The following RPS6KA6 variants were observed in gnomAD, a reference collection of about 807,000 sequenced individuals.
RPS6KA6 encodes the protein ribosomal protein S6 kinase A6.
RPS6KA6 carries 27 observed loss-of-function variants against 65.4 expected under a neutral mutation model. The observed-to-expected ratio is 0.41, with a 90% CI of 0.30 to 0.57. The LOEUF (loss-of-function observed/expected upper bound fraction) is 0.57. RPS6KA6 is among the 20% of genes least tolerant of loss of function. The pLI is 0.24. For synonymous variants in RPS6KA6, 190 were observed against 184.2 expected (o/e 1.03, Z -0.26); for missense variants, 486 against 555.6 (o/e 0.87, Z 1.26).
intron 2 of RPS6KA6, among the ~76,000 whole-genome samples, chrX:84,157,991 C>G (rs2035444392): frequency 9.2e-6 from 1 of 108,903 alleles, no homozygotes; most frequent in South Asian, 4.0e-4. Context: ...TCACTTTTCC[C>G]AGGAGACAGC....
chrX:84,079,908 C>G (rs751991614), intron 20 of RPS6KA6, among the ~76,000 whole-genome samples: 8 of 112,328 alleles, frequency 7.1e-5, no homozygotes, highest in African/African-American at 2.6e-4. Flanking sequence ...CTTCAGCAGA[C>G]TTAAACGTTC....
At chrX:84,105,209 TAC>T (rs2034335115) in intron 16 of RPS6KA6, among the ~76,000 whole-genome samples, 2 of 110,663 alleles carry the variant, frequency 1.8e-5, no homozygotes, top group South Asian at 7.5e-4. Flanking sequence ...GTTTAAAGAT[TAC>T]AAATCAAAGT....
At chrX:84,147,382 C>T (rs2035217948) in intron 4 of RPS6KA6, among the ~76,000 whole-genome samples, 1 of 111,619 alleles carries the variant, frequency 9.0e-6, no homozygotes, top group Admixed American at 9.5e-5. Flanking sequence ...TCTCAGCTCA[C>T]TGCAACCTCC....
At chrX:84,071,599 A>G (rs755242997) in intron 20 of RPS6KA6, among the ~76,000 whole-genome samples, 11 of 111,660 alleles carry the variant, frequency 9.9e-5, no homozygotes, top group Non-Finnish European at 1.7e-4. Flanking sequence ...AATAAATAAT[A>G]AACATCAGAG....
intron 20 of RPS6KA6, among the ~76,000 whole-genome samples, chrX:84,072,684 A>G (rs762218528): frequency 2.7e-5 from 3 of 112,201 alleles, no homozygotes; most frequent in African/African-American, 9.7e-5. Context: ...TAGAATAAAC[A>G]AAGTGCAGTA....
At chrX:84,116,359 A>T (rs1337793470) in intron 11 of RPS6KA6, 72 bp from the exon 12 acceptor site, 7 of 508,750 alleles carry the variant, frequency 1.4e-5, no homozygotes, top group Non-Finnish European at 2.2e-5. Context: ...CCAGACTGCT[A>T]TCTGTAAACA....
Position 84,145,850 on chromosome X carries a change from T to C in RPS6KA6, c.422-293A>G, listed in dbSNP as rs186232586. On this transcript the variant is annotated intron_variant, in intron 5 of 21. Coordinates refer to ENST00000262752, the MANE Select transcript of RPS6KA6 (RefSeq NM_014496.5). ...TTGCCTAAACTTAGCCTATCAAACC[T>C]ACTGAAAATCTACAAATTCTATAAA... Among the ~76,000 whole-genome samples the C allele has an allele frequency of 2.7e-5, 3 of 111,160 alleles. No homozygotes were observed. In the East Asian group the frequency reaches 8.5e-4, roughly 31 times the overall value.
At chrX:84,166,536 T>C (rs1363090493) in intron 1 of RPS6KA6, among the ~76,000 whole-genome samples, 1 of 111,504 alleles carries the variant, frequency 9.0e-6, no homozygotes, top group Non-Finnish European at 1.9e-5. Context: ...ATAGATGTCA[T>C]CCAATATGAA....
At chrX:84,065,189 G>T in intron 20 of RPS6KA6, 78 bp from the exon 21 acceptor site, 1 of 661,324 alleles carries the variant, frequency 1.5e-6, no homozygotes, top group Non-Finnish European at 2.2e-6. Flanking sequence ...AAATGTGACA[G>T]CATCAATAGC....
At chrX:84,157,102 A>G (rs1371090971) in intron 2 of RPS6KA6, among the ~76,000 whole-genome samples, 2 of 112,093 alleles carry the variant, frequency 1.8e-5, no homozygotes, top group Non-Finnish European at 3.8e-5. Flanking sequence ...TCACTCTTCA[A>G]TTAACTGATT....
Position 84,059,114 on chromosome X carries a change from CTTTTTTTTTTTTTTTTTTTTTT to C in RPS6KA6, c.*5141_*5162del, listed in dbSNP as rs200378989. On this transcript the variant is annotated 3_prime_UTR_variant, in exon 22 of 22. Coordinates refer to ENST00000262752, the MANE Select transcript of RPS6KA6 (RefSeq NM_014496.5). ...AACTTTTTAAATGGCTGTTTCTTTT[CTTTTTTTTTTTTTTTTTTTTTT>C]TTTTTTTTTGTGAGACGGAGTTTCG... is the stretch of plus-strand genomic sequence containing the variant. 7.1e-5 allele frequency: 2 copies of C among 28,287 alleles called. No individual in the cohort carries two copies. The highest frequency in any genetic ancestry group is 1.1e-3 in the Admixed American group (2 of 1,790). The allele number at this position is 28,287 out of a possible 1,213,427, so 2.3% of individuals were successfully genotyped here.
At chrX:84,166,906 TTA>T (rs1219492440) in intron 1 of RPS6KA6, among the ~76,000 whole-genome samples, 1 of 111,283 alleles carries the variant, frequency 9.0e-6, no homozygotes, top group African/African-American at 3.3e-5. Context: ...AATGGGTGAA[TTA>T]TATGTTATGT....
chrX:84,147,803 T>G (rs976979235), intron 4 of RPS6KA6, among the ~76,000 whole-genome samples: 3 of 111,963 alleles, frequency 2.7e-5, no homozygotes, highest in Non-Finnish European at 3.8e-5. Context: ...TTAATAAGTT[T>G]AAATTAAATG....
At position 84,108,539 on chromosome X, in the gene RPS6KA6, T is replaced by G. The variant is rs766317810; in HGVS notation, c.1009-814A>C. Among the ~76,000 whole-genome samples the G allele has an allele frequency of 1.2e-3, 131 of 111,788 alleles. 1 individual carries two copies. Among genetic ancestry groups the G allele is most frequent in the African/African-American group, 4.1e-3 (126 of 30,801 alleles). The stretch of plus-strand genomic sequence containing the variant: ...GCCATGCCGTCAGGTGAACTGAGAC[T>G]GGTGTGGAGCCAGGAGATCTTCGAT... On this transcript the variant is annotated intron_variant, in intron 12 of 21. Transcript: ENST00000262752.
intron 20 of RPS6KA6, among the ~76,000 whole-genome samples, chrX:84,092,708 G>A (rs1009306062): frequency 7.2e-5 from 8 of 111,368 alleles, no homozygotes; most frequent in Non-Finnish European, 1.3e-4. Context: ...TGACAAAGAT[G>A]TGGAGAAATG....
At chrX:84,146,722 C>T (rs2035205627) in intron 5 of RPS6KA6, among the ~76,000 whole-genome samples, 1 of 111,760 alleles carries the variant, frequency 8.9e-6, no homozygotes, top group Admixed American at 9.5e-5. Flanking sequence ...TACATAAATA[C>T]TACCAGACAG....
intron 20 of RPS6KA6, among the ~76,000 whole-genome samples, chrX:84,088,418 G>C (rs77404961): frequency 1.8e-5 from 2 of 111,690 alleles, no homozygotes; most frequent in African/African-American, 6.5e-5. Context: ...CCACACCCTA[G>C]CTTTCATTGA....
At chrX:84,070,828 A>C (rs1453172871) in intron 20 of RPS6KA6, among the ~76,000 whole-genome samples, 1 of 111,798 alleles carries the variant, frequency 8.9e-6, no homozygotes. Flanking sequence ...TGGAAAAATG[A>C]AAAAATTTCA....
chrX:84,119,862 T>C, intron 9 of RPS6KA6, 23 bp downstream of exon 9: 1 of 1,121,568 alleles, frequency 8.9e-7, no homozygotes. Context: ...GTTGGCATAA[T>C]TAAAACAAAT....
Sources: gnomAD v4.1 joint callset for allele counts (sites outside exome capture counted in the v4.1 genomes callset) on GRCh38, gnomAD v4.1.1 for gene constraint, MANE v1.5 for transcripts, NCBI Gene and HGNC (gene_info 2026-07-23, HGNC 2026-07-21) for gene names.